Variants in SLC4A1AP observed in about 807,000 individuals in gnomAD.
SLC4A1AP encodes solute carrier family 4 member 1 adaptor protein.
SLC4A1AP carries 64 observed loss-of-function variants against 89.7 expected under a neutral mutation model. The ratio of observed to expected loss-of-function variants is 0.71; its 90% CI spans 0.58 to 0.88. The LOEUF is 0.88. Ranked by LOEUF, SLC4A1AP falls within the 40% of genes least tolerant of loss-of-function variation. The probability of loss-of-function intolerance (pLI) is 0.00; values close to 1 mark genes in which losing one functional copy is unlikely to be tolerated. For missense variants in SLC4A1AP, 931 were observed against 965.0 expected (o/e 0.96, Z 0.47); for synonymous variants, 366 against 353.3 (o/e 1.04, Z -0.40).
chr2:27,682,129 A>G (rs1322360825), intron 8 of SLC4A1AP, 119 bp from the exon 9 acceptor site: 4 of 632,474 alleles, frequency 6.3e-6, no homozygotes, highest in African/African-American at 1.9e-5. Context: ...ATATGCTTAG[A>G]TATTCATTTT....
At chr2:27,692,449 A>G (rs1246702194) in intron 12 of SLC4A1AP, 1 of 152,212 alleles carries the variant, frequency 6.6e-6, no homozygotes, top group Non-Finnish European at 1.5e-5. Flanking sequence ...TCAGGCACTG[A>G]TGAGAAGATT....
chr2:27,670,922 C>CTTTTTTTTTT (rs34481114), intron 5 of SLC4A1AP, among the ~76,000 whole-genome samples: 79 of 111,824 alleles, frequency 7.1e-4, no homozygotes, highest in Non-Finnish European at 8.5e-4. Flanking sequence ...CTTTTCTTTT[C>CTTTTTTTTTT]TTTTTTTTTT....
intron 12 of SLC4A1AP, chr2:27,692,056 TC>T (rs2148142236): frequency 6.6e-6 from 1 of 152,212 alleles, no homozygotes; most frequent in Admixed American, 6.5e-5. Context: ...CAAGCAATCC[TC>T]CTGCCTTGGC....
intron 6 of SLC4A1AP, among the ~76,000 whole-genome samples, 164 bp from the exon 7 acceptor site, chr2:27,677,131 C>T (rs112797206): frequency 6.6e-6 from 1 of 151,672 alleles, no homozygotes; most frequent in Non-Finnish European, 1.5e-5. Flanking sequence ...GAATGAGGCT[C>T]TATCTCAAAA....
Position 27,664,191 on chromosome 2 carries a change from GGTCCA to G in SLC4A1AP, c.441_445del (p.Ala149GlyfsTer32), listed in dbSNP as rs1558503824. The G allele has an allele frequency of 3.1e-6, 5 of 1,614,118 alleles. No individual in the cohort carries two copies. Among genetic ancestry groups the G allele is most frequent in the Non-Finnish European group, 4.2e-6 (5 of 1,180,004 alleles). Reference sequence around the variant, plus strand: ...CCCGACAGCGGTTTCTTCCCCTGGCGGTCCAGCCCGGGCTCCCCCCTACCAAGAGC... The same window carrying G: ...CCCGACAGCGGTTTCTTCCCCTGGCGGCCCGGGCTCCCCCCTACCAAGAGC... On this transcript the variant is annotated frameshift_variant, in exon 1 of 14. Coordinates refer to ENST00000613058, the Ensembl canonical transcript of SLC4A1AP. LOFTEE classifies it high-confidence loss of function.
chr2:27,683,574 C>A (rs1572995013), intron 9 of SLC4A1AP, among the ~76,000 whole-genome samples: 1 of 152,206 alleles, frequency 6.6e-6, no homozygotes, highest in East Asian at 1.9e-4. Flanking sequence ...CTAATAGTGT[C>A]ATTTTAATTC....
At chr2:27,683,016 A>G (rs1045598651) in intron 9 of SLC4A1AP, among the ~76,000 whole-genome samples, 2 of 152,246 alleles carry the variant, frequency 1.3e-5, no homozygotes, top group Admixed American at 1.3e-4. Context: ...CAGACTCACC[A>G]ACATTTAAGA....
Position 27,693,397 on chromosome 2 carries a change from A to G in SLC4A1AP, c.2272-288A>G, listed in dbSNP as rs561402260. The G allele has an allele frequency of 2.6e-4, 91 of 348,316 alleles. No individual in the cohort carries two copies. The South Asian group carries it at 6.4e-3, about 24-fold the overall frequency. 21.6% of individuals were successfully genotyped at this position (348,316 alleles called of 1,614,324 possible). ...AGGCCCTGTGAGTTTTATGCTTTCA[A>G]GAGGTTCTATTCTGGTGCATGCCAA... On this transcript the variant is annotated intron_variant, in intron 12 of 13. Coordinates refer to ENST00000613058, the Ensembl canonical transcript of SLC4A1AP.
At chr2:27,672,512 T>TA (rs1359023173) in intron 5 of SLC4A1AP, among the ~76,000 whole-genome samples, 1 of 152,204 alleles carries the variant, frequency 6.6e-6, no homozygotes, top group East Asian at 1.9e-4. Flanking sequence ...TTGTCCTTTT[T>TA]AAAACATAAT....
chr2:27,690,804 T>C (rs1675776921), intron 12 of SLC4A1AP, among the ~76,000 whole-genome samples: 1 of 152,218 alleles, frequency 6.6e-6, no homozygotes, highest in Admixed American at 6.5e-5. Flanking sequence ...TTTTTAATTC[T>C]GTTGCTGTGA....
At chr2:27,692,702 ATCT>A (rs1397002929) in intron 12 of SLC4A1AP, 1 of 151,978 alleles carries the variant, frequency 6.6e-6, no homozygotes, top group Non-Finnish European at 1.5e-5. Context: ...GGATTGTAAT[ATCT>A]TCTTGTTGGG....
intron 2 of SLC4A1AP, 143 bp from the exon 3 acceptor site, chr2:27,667,125 T>C (rs925865355): frequency 2.5e-6 from 2 of 785,016 alleles, no homozygotes; most frequent in Non-Finnish European, 3.7e-6. Flanking sequence ...TGCCTTGGCC[T>C]CCCAAAGTGC....
chr2:27,681,475 G>C (rs1256746884), intron 8 of SLC4A1AP, among the ~76,000 whole-genome samples: 1 of 152,134 alleles, frequency 6.6e-6, no homozygotes, highest in Non-Finnish European at 1.5e-5. Flanking sequence ...CTGTCCCATG[G>C]TCAATATGAA....
exon 8 of SLC4A1AP, chr2:27,677,850 A>G: frequency 6.2e-7 from 1 of 1,613,860 alleles, no homozygotes; most frequent in Middle Eastern, 1.7e-4. Flanking sequence ...GAACTTTTGA[A>G]CTGAGGAAAG....
In SLC4A1AP at chr2:27,689,836, A is replaced by G. The variant is rs184759589; in HGVS notation, c.2271+1069A>G. On this transcript the variant is annotated intron_variant, in intron 12 of 13. Coordinates refer to ENST00000613058, the Ensembl canonical transcript of SLC4A1AP. ...GGCAAACCTTGCAAATAGGTTTTCA[A>G]TGGATAGCAGTCAGCCTTGCTCTGT... Among the ~76,000 whole-genome samples the G allele has an allele frequency of 2.7e-4, 41 of 152,334 alleles. No individual in the cohort carries two copies. The East Asian group carries it at 7.5e-3, about 28-fold the overall frequency.
chr2:27,685,353 G>A, intron 10 of SLC4A1AP, 76 bp downstream of exon 10: 2 of 1,524,950 alleles, frequency 1.3e-6, no homozygotes, highest in South Asian at 2.7e-5. Context: ...AAAAAGCAAG[G>A]CCAGTTCTTG....
intron 5 of SLC4A1AP, among the ~76,000 whole-genome samples, chr2:27,674,786 A>T (rs1490857874): frequency 6.9e-6 from 1 of 144,794 alleles, no homozygotes; most frequent in Admixed American, 7.1e-5. Context: ...TTCTCGGCTC[A>T]CTGCAACCTC....
intron 2 of SLC4A1AP, among the ~76,000 whole-genome samples, chr2:27,666,666 T>C (rs188102929): frequency 2.0e-5 from 3 of 152,036 alleles, no homozygotes; most frequent in African/African-American, 7.2e-5. Context: ...AAATTTTTTT[T>C]CCACAATGTG....
intron 11 of SLC4A1AP, 136 bp from the exon 12 acceptor site, chr2:27,688,564 A>G: frequency 4.9e-6 from 3 of 618,372 alleles, no homozygotes; most frequent in Non-Finnish European, 8.5e-6. Flanking sequence ...TTACAGCAGT[A>G]GAAGGAATTG....
Sources: allele counts gnomAD v4.1 joint callset (sites outside exome capture counted in the v4.1 genomes callset), GRCh38; gene constraint gnomAD v4.1.1; transcripts MANE v1.5; gene names NCBI Gene and HGNC (gene_info 2026-07-23, HGNC 2026-07-21).